KAZN: variants seen among roughly 807,000 people sequenced by gnomAD.
KAZN encodes kazrin, periplakin interacting protein.
In KAZN, 40 loss-of-function variants were observed where a neutral mutation model predicts 87.4. The observed-to-expected ratio is 0.46, with a 90% CI of 0.36 to 0.60. KAZN has a LOEUF of 0.60. Ranked by LOEUF, KAZN falls within the 20% of genes least tolerant of loss-of-function variation. The probability of loss-of-function intolerance (pLI) is 0.00; values close to 1 mark genes in which losing one functional copy is unlikely to be tolerated. For missense variants in KAZN, 898 were observed against 1,073.9 expected (o/e 0.84, Z 2.29); for synonymous variants, 466 against 458.3 (o/e 1.02, Z -0.22).
chr1:14,877,387 C>G (rs1361570284), intron 1 of KAZN, among the ~76,000 whole-genome samples: 1 of 152,174 alleles, frequency 6.6e-6, no homozygotes, highest in South Asian at 2.1e-4. Context: ...TATTTCTGAT[C>G]CAATCACAAT....
At chr1:14,367,463 TGGG>T (rs993411331) in intron 2 of KAZN, among the ~76,000 whole-genome samples, 1 of 151,166 alleles carries the variant, frequency 6.6e-6, no homozygotes, top group East Asian at 2.0e-4. Flanking sequence ...GGGGACAGGA[TGGG>T]GGGCGGGCTG....
At chr1:14,903,828 T>C (rs1327051778) in intron 1 of KAZN, among the ~76,000 whole-genome samples, 1 of 152,198 alleles carries the variant, frequency 6.6e-6, no homozygotes, top group Admixed American at 6.5e-5. Flanking sequence ...TGGCAGATGG[T>C]GTTCTAAGTG....
At chr1:14,250,463 A>T (rs1446794849) in intron 2 of KAZN, among the ~76,000 whole-genome samples, 1 of 143,024 alleles carries the variant, frequency 7.0e-6, no homozygotes, top group African/African-American at 3.0e-5. Context: ...TCAGCAAGAC[A>T]TTCAAAACTT....
At chr1:14,297,093 G>T (rs1315567652) in intron 2 of KAZN, among the ~76,000 whole-genome samples, 1 of 152,144 alleles carries the variant, frequency 6.6e-6, no homozygotes, top group Non-Finnish European at 1.5e-5. Context: ...GCATTCAGCT[G>T]CAAGGAACAG....
At position 14,636,595 on chromosome 1, in the gene KAZN, C is replaced by T. The variant is rs139535781; in HGVS notation, c.226+37372C>T. ...ACCTGTGTGGCATCATTTGATTCAC[C>T]CCTCAGTCTCTTGAAATAGGGACCG... On this transcript the variant is annotated intron_variant, in intron 1 of 14. Transcript: ENST00000376030. Among the ~76,000 whole-genome samples the T allele has an allele frequency of 4.1e-3, 630 of 152,236 alleles. 6 individuals are homozygous for T. The highest frequency in any genetic ancestry group is 0.015 in the African/African-American group (612 of 41,516).
At chr1:14,039,055 C>T (rs967904032) in intron 1 of KAZN, among the ~76,000 whole-genome samples, 2 of 151,910 alleles carry the variant, frequency 1.3e-5, no homozygotes, top group South Asian at 4.2e-4. Context: ...CCTGTAATCC[C>T]AGCTACTCGG....
At chr1:15,002,603 C>T (rs1196124861) in intron 2 of KAZN, among the ~76,000 whole-genome samples, 1 of 152,116 alleles carries the variant, frequency 6.6e-6, no homozygotes, top group Non-Finnish European at 1.5e-5. Context: ...GCGTCATCGC[C>T]ATCATCATTG....
At chr1:14,206,715 T>TC (rs1646753530) in intron 2 of KAZN, among the ~76,000 whole-genome samples, 1 of 151,620 alleles carries the variant, frequency 6.6e-6, no homozygotes, top group Non-Finnish European at 1.5e-5. Flanking sequence ...TTTTTTTTTT[T>TC]CAAATTCCCT....
chr1:15,067,396 A>C, intron 8 of KAZN: 1 of 985,512 alleles, frequency 1.0e-6, no homozygotes, highest in Non-Finnish European at 1.2e-6. Flanking sequence ...AAGAGGCTTC[A>C]CCAGCAAAGG....
At position 14,769,194 on chromosome 1, in the gene KAZN, C is replaced by T. The variant is rs1644959238; in HGVS notation, c.226+169971C>T. Among the ~76,000 whole-genome samples the T allele has an allele frequency of 6.6e-6, 1 of 152,152 alleles. No homozygotes were observed. The highest frequency in any genetic ancestry group is 2.1e-4 in the South Asian group (1 of 4,828). On this transcript the variant is annotated intron_variant, in intron 1 of 14. Coordinates refer to ENST00000376030, the MANE Select transcript of KAZN (RefSeq NM_201628.3). The surrounding 1 kb of genome is among the most constrained non-coding windows in gnomAD (Gnocchi z 4.1). ...TTTGAGTCTGACCCTGTCATCAGTC[C>T]TTCACTCTGATAAGCTTGGCGTGCT...
At chr1:14,010,802 TG>T in intron 1 of KAZN, among the ~76,000 whole-genome samples, 1 of 152,310 alleles carries the variant, frequency 6.6e-6, no homozygotes, top group African/African-American at 2.4e-5. Context: ...GACAGCTTCA[TG>T]GGGGAAAACC....
intron 2 of KAZN, among the ~76,000 whole-genome samples, chr1:14,300,618 G>T (rs182797718): frequency 6.6e-6 from 1 of 152,308 alleles, no homozygotes; most frequent in Admixed American, 6.5e-5. Flanking sequence ...TCAATCAAAA[G>T]CGTGCAAAAA....
At chr1:14,086,225 G>A (rs1481944557) in intron 1 of KAZN, among the ~76,000 whole-genome samples, 3 of 152,120 alleles carry the variant, frequency 2.0e-5, no homozygotes, top group Admixed American at 6.5e-5. Context: ...TGGGGTACAT[G>A]GGTAGGATGT....
intron 1 of KAZN, among the ~76,000 whole-genome samples, chr1:13,961,713 C>T (rs1641760318): frequency 1.3e-5 from 2 of 152,188 alleles, no homozygotes; most frequent in South Asian, 4.1e-4. Flanking sequence ...GGGACTCAGA[C>T]AAGGACCATA....
chr1:14,291,814 T>C (rs1451448487), intron 2 of KAZN, among the ~76,000 whole-genome samples: 1 of 152,188 alleles, frequency 6.6e-6, no homozygotes, highest in East Asian at 1.9e-4. Context: ...TTTGGCCATC[T>C]TGGAACGAAT....
At chr1:15,085,326 A>G (rs964880357) in intron 8 of KAZN, among the ~76,000 whole-genome samples, 12 of 152,216 alleles carry the variant, frequency 7.9e-5, no homozygotes, top group African/African-American at 2.4e-4. Flanking sequence ...TACCTCTGCC[A>G]TTATTATTTT....
chr1:15,098,069 G>A (rs890545695), intron 10 of KAZN, among the ~76,000 whole-genome samples: 4 of 152,158 alleles, frequency 2.6e-5, no homozygotes, highest in South Asian at 2.1e-4. Context: ...AATTCTCCCC[G>A]TTTTACAGAG....
chr1:14,156,158 T>A (rs985970778), intron 1 of KAZN, among the ~76,000 whole-genome samples: 1 of 152,248 alleles, frequency 6.6e-6, no homozygotes, highest in Non-Finnish European at 1.5e-5. Context: ...AAAACTCCTC[T>A]TGTTATTGAT....
intron 2 of KAZN, among the ~76,000 whole-genome samples, chr1:14,334,441 C>T (rs1334496961): frequency 2.0e-5 from 3 of 146,360 alleles, no homozygotes; most frequent in Admixed American, 6.8e-5. Flanking sequence ...GTGGCCATCA[C>T]AAGGACTTTG....
Sources: gnomAD v4.1 joint callset for allele counts (sites outside exome capture counted in the v4.1 genomes callset) on GRCh38, gnomAD v4.1.1 for gene constraint, Gnocchi (gnomAD v3.1) non-coding constraint, MANE v1.5 for transcripts, NCBI Gene and HGNC (gene_info 2026-07-23, HGNC 2026-07-21) for gene names.